Variants in SEPTIN11 observed in about 807,000 individuals in gnomAD.
SEPTIN11 encodes the protein septin 11.
A neutral mutation model predicts 51.4 loss-of-function variants in SEPTIN11; 25 were observed. That is an observed-to-expected ratio of 0.49 (90% CI 0.35 to 0.68). SEPTIN11 has a LOEUF of 0.68. Ranked by LOEUF, SEPTIN11 falls within the 30% of genes least tolerant of loss-of-function variation. SEPTIN11 has a pLI of 0.00. For synonymous variants in SEPTIN11, 174 were observed against 184.1 expected (o/e 0.95, Z 0.44); for missense variants, 381 against 520.8 (o/e 0.73, Z 2.61).
At position 77,018,267 on chromosome 4, in the gene SEPTIN11, G is replaced by C. The variant is rs370095056; in HGVS notation, c.688-898G>C. Reference sequence around the variant, plus strand: ...AGATCGAGACCATCCTGGCTAACACGGTGAAACCCCGTTTCTACTAAAAAT... The same window carrying C: ...AGATCGAGACCATCCTGGCTAACACCGTGAAACCCCGTTTCTACTAAAAAT... On this transcript the variant is annotated intron_variant, in intron 5 of 9. Transcript: ENST00000264893. Among the ~76,000 whole-genome samples the C allele has an allele frequency of 3.9e-5, 6 of 152,020 alleles. 1 individual carries two copies. In the South Asian group the frequency reaches 8.3e-4, roughly 21 times the overall value.
Position 76,949,944 on chromosome 4 carries a change from C to A in SEPTIN11, c.27+14C>A. ...GGGAGACCGTCTGTGAGTGCTGGGG[C>A]CTCGCCTGCTGCTCCTCGGGCGCCG... On this transcript the variant is annotated intron_variant, in intron 1 of 9. Transcript: ENST00000264893. 1 of 1,480,350 alleles carries A rather than the reference C, an allele frequency of 6.8e-7. No homozygotes were observed. 91.7% of individuals were successfully genotyped at this position (1,480,350 alleles called of 1,614,324 possible). A position where few individuals can be genotyped will look rare whatever the true frequency, so the allele number is the denominator to read the frequency against.
At chr4:77,010,169 T>C (rs757008057) in intron 3 of SEPTIN11, among the ~76,000 whole-genome samples, 38 of 152,192 alleles carry the variant, frequency 2.5e-4, no homozygotes, top group Non-Finnish European at 5.0e-4. Flanking sequence ...AACTACTATT[T>C]TTGTCTCTGA....
chr4:76,988,022 T>C (rs1723137007), intron 1 of SEPTIN11, among the ~76,000 whole-genome samples: 1 of 152,242 alleles, frequency 6.6e-6, no homozygotes, highest in Admixed American at 6.5e-5. Context: ...CCTTGAAACC[T>C]GAGTTCTGAT....
At chr4:77,003,191 G>C (rs777725975) in intron 2 of SEPTIN11, among the ~76,000 whole-genome samples, 1 of 152,158 alleles carries the variant, frequency 6.6e-6, no homozygotes, top group Non-Finnish European at 1.5e-5. Flanking sequence ...TGATTAGATA[G>C]ACCACTCTCC....
At chr4:77,027,478 A>G (rs1347471417) in intron 7 of SEPTIN11, among the ~76,000 whole-genome samples, 1 of 152,176 alleles carries the variant, frequency 6.6e-6, no homozygotes, top group Non-Finnish European at 1.5e-5. Flanking sequence ...GGTTCATTAT[A>G]GATGTGTGTA....
intron 1 of SEPTIN11, among the ~76,000 whole-genome samples, chr4:76,980,538 A>G (rs899671264): frequency 6.6e-6 from 1 of 152,170 alleles, no homozygotes; most frequent in South Asian, 2.1e-4. Context: ...AAGTGTGTAC[A>G]TTTGGTGCAG....
Position 77,036,242 on chromosome 4 carries a change from T to C in SEPTIN11, c.*1730T>C. On this transcript the variant is annotated 3_prime_UTR_variant, in exon 10 of 10. Coordinates refer to ENST00000264893, the MANE Select transcript of SEPTIN11 (RefSeq NM_018243.4). ...GCAGTAGTCATAGTCTTCACAGGTT[T>C]AGGAGCTACTGGACCAACATTCTTG... The C allele has an allele frequency of 9.9e-7, 1 of 1,011,972 alleles. No individual in the cohort carries two copies. The allele number at this position is 1,011,972 out of a possible 1,614,324, so 62.7% of individuals were successfully genotyped here. A position where few individuals can be genotyped will look rare whatever the true frequency, so the allele number is the denominator to read the frequency against.
At chr4:76,958,484 C>T (rs1187605560) in intron 1 of SEPTIN11, among the ~76,000 whole-genome samples, 7 of 152,332 alleles carry the variant, frequency 4.6e-5, no homozygotes, top group Non-Finnish European at 1.0e-4. Flanking sequence ...TGGGTCACTT[C>T]CCAGGACTCA....
chr4:76,969,337 C>G (rs1272935639), intron 1 of SEPTIN11, among the ~76,000 whole-genome samples: 3 of 152,100 alleles, frequency 2.0e-5, no homozygotes. Context: ...GAACTTTAGA[C>G]CTCTTCTTCT....
rs1261580976 is a variant in SEPTIN11, at chr4:77,034,548, G to A, written c.*36G>A. 6.5e-7 allele frequency: 1 copy of A among 1,539,650 alleles called. No individual in the cohort carries two copies. The stretch of plus-strand genomic sequence containing the variant: ...GCCAAGGATGTTCCCGCATTCACCT[G>A]CTTTTGCAGTAATATCGTATCTCTG... On this transcript the variant is annotated 3_prime_UTR_variant, in exon 10 of 10. Transcript: ENST00000264893.
At chr4:77,007,092 A>G (rs1560727500) in intron 3 of SEPTIN11, among the ~76,000 whole-genome samples, 2 of 152,208 alleles carry the variant, frequency 1.3e-5, no homozygotes, top group Admixed American at 6.5e-5. Flanking sequence ...TGCTCTTAAT[A>G]TATGACCTCA....
Position 77,037,906 on chromosome 4 carries a change from AACAC to A in SEPTIN11, c.*3400_*3403del. On this transcript the variant is annotated 3_prime_UTR_variant, in exon 10 of 10. Transcript: ENST00000264893. ...CTCTGCTTTGTGACTCACCAGCAGT[AACAC>A]ACACAATCCACATCTTGTGCACCTC... 5.1e-6 allele frequency: 5 copies of A among 985,924 alleles called. No homozygotes were observed. The highest frequency in any genetic ancestry group is 6.0e-6 in the Non-Finnish European group (5 of 829,954). The allele number at this position is 985,924 out of a possible 1,614,324, so 61.1% of individuals were successfully genotyped here.
intron 2 of SEPTIN11, among the ~76,000 whole-genome samples, chr4:77,002,531 C>T (rs1336290788): frequency 2.0e-5 from 3 of 152,162 alleles, no homozygotes; most frequent in African/African-American, 7.2e-5. Flanking sequence ...ATAGGTAAAT[C>T]CTGAAAAGAA....
intron 1 of SEPTIN11, among the ~76,000 whole-genome samples, chr4:76,951,573 A>G (rs1338975156): frequency 6.6e-6 from 1 of 152,202 alleles, no homozygotes; most frequent in Non-Finnish European, 1.5e-5. Context: ...TAGCAGGCAT[A>G]GATTCAGAGA....
chr4:77,037,612 A>G lies in SEPTIN11; in HGVS notation c.*3100A>G, dbSNP rs1127595. 404,107 of 984,762 alleles carry G rather than the reference A, an allele frequency of 0.41. 85,501 individuals carry two copies. Among genetic ancestry groups the G allele is most frequent in the African/African-American group, 0.66 (37,752 of 57,208 alleles). 61.0% of individuals were successfully genotyped at this position (984,762 alleles called of 1,614,324 possible). Reference sequence around the variant, plus strand: ...GACAGTGGCCACCTCTTTTTTGGGGATTGAGGGGCCTACATAACTAGCTGG... The same window carrying G: ...GACAGTGGCCACCTCTTTTTTGGGGGTTGAGGGGCCTACATAACTAGCTGG... On this transcript the variant is annotated 3_prime_UTR_variant, in exon 10 of 10. Transcript: ENST00000264893.
chr4:76,949,969 G>C, intron 1 of SEPTIN11, 39 bp downstream of exon 1: 1 of 1,435,038 alleles, frequency 7.0e-7, no homozygotes, highest in East Asian at 2.9e-5. Flanking sequence ...CTCGGGCGCC[G>C]GGTGGTCTCT....
chr4:76,953,515 A>T (rs1216520140), intron 1 of SEPTIN11, among the ~76,000 whole-genome samples: 1 of 152,156 alleles, frequency 6.6e-6, no homozygotes, highest in East Asian at 1.9e-4. Context: ...TTGTTATAAA[A>T]TTGCCATTTT....
chr4:76,973,719 GTTAC>G (rs1291767521), intron 1 of SEPTIN11, among the ~76,000 whole-genome samples: 14 of 152,212 alleles, frequency 9.2e-5, no homozygotes, highest in African/African-American at 3.4e-4. Flanking sequence ...CCCAGGCTCT[GTTAC>G]TTACTTGCTC....
intron 1 of SEPTIN11, among the ~76,000 whole-genome samples, chr4:76,966,978 C>G (rs772009528): frequency 1.3e-5 from 2 of 152,088 alleles, no homozygotes; most frequent in Admixed American, 6.5e-5. Flanking sequence ...GGGCAGATCA[C>G]TTGAGGTCGG....
Sources: gnomAD v4.1 joint callset for allele counts (sites outside exome capture counted in the v4.1 genomes callset) on GRCh38, gnomAD v4.1.1 for gene constraint, MANE v1.5 for transcripts, NCBI Gene and HGNC (gene_info 2026-07-23, HGNC 2026-07-21) for gene names.